MATR3: variants seen among roughly 807,000 people sequenced by gnomAD.
The protein encoded by MATR3 is matrin 3, also known as matrin-3.
Under a neutral mutation model 85.5 loss-of-function variants are expected in MATR3, and 4 were observed. The ratio of observed to expected loss-of-function variants is 0.05; its 90% CI spans 0.02 to 0.11. MATR3 has a LOEUF of 0.11. Among genes scored for constraint, MATR3 ranks in the 10% least tolerant of loss-of-function variants. MATR3 has a pLI of 1.00. For missense variants in MATR3, 685 were observed against 1,016.1 expected (o/e 0.67, Z 4.43); for synonymous variants, 336 against 343.1 (o/e 0.98, Z 0.23).
At chr5:139,286,843 C>CAAAA (rs72412077) in intron 3 of MATR3, among the ~76,000 whole-genome samples, 1 of 135,292 alleles carries the variant, frequency 7.4e-6, no homozygotes, top group African/African-American at 3.0e-5. Flanking sequence ...GACTCCGTCT[C>CAAAA]AAAAAAAAAA....
At chr5:139,312,152 T>C (rs1448230528) in intron 2 of MATR3, 2 of 152,128 alleles carry the variant, frequency 1.3e-5, no homozygotes, top group East Asian at 3.8e-4. Context: ...TTTATGTTTT[T>C]GAGAAAGGGT....
Position 139,331,147 on chromosome 5 carries a change from T to C in MATR3, c.*1752T>C, listed in dbSNP as rs1342560124. ...ACAAAAACAGGATAGGCATTGTCTTTCAAATGTTCAGACCCCAGTTTATTA... is the reference window on the plus strand; with the variant it reads ...ACAAAAACAGGATAGGCATTGTCTTCCAAATGTTCAGACCCCAGTTTATTA... On this transcript the variant is annotated 3_prime_UTR_variant, in exon 15 of 15. Transcript: ENST00000394805. The C allele has an allele frequency of 2.2e-6, 1 of 454,018 alleles. No individual in the cohort carries two copies. Among genetic ancestry groups the C allele is most frequent in the African/African-American group, 2.0e-5 (1 of 50,016 alleles). 28.1% of individuals were successfully genotyped at this position (454,018 alleles called of 1,614,324 possible). A position where few individuals can be genotyped will look rare whatever the true frequency, so the allele number is the denominator to read the frequency against.
rs1385894690 is a variant in MATR3 at position 139,316,063 on chromosome 5, T to A, written c.1017-13T>A. On this transcript the variant is annotated splice_polypyrimidine_tract_variant and intron_variant, in intron 4 of 14. Coordinates refer to ENST00000394805, the MANE Select transcript of MATR3 (RefSeq NM_018834.6). ...TTTATTATGATTTATATTTTATGTC[T>A]TCACTTTACTAGGGGTGATCCATTC... The A allele has an allele frequency of 6.5e-7, 1 of 1,539,512 alleles. No homozygotes were observed. The highest frequency in any genetic ancestry group is 9.0e-7 in the Non-Finnish European group (1 of 1,115,770).
chr5:139,281,356 G>GTTTTTTTTT (rs1371325133), intron 3 of MATR3, among the ~76,000 whole-genome samples: 7 of 101,064 alleles, frequency 6.9e-5, no homozygotes, highest in Admixed American at 1.1e-4. Context: ...TTTTTTTTTT[G>GTTTTTTTTT]TTTTTTTTTT....
intron 11 of MATR3, 28 bp from the exon 12 acceptor site, chr5:139,322,570 T>C: frequency 6.3e-7 from 1 of 1,584,042 alleles, no homozygotes; most frequent in East Asian, 2.2e-5. Context: ...GACAACAAAT[T>C]AATTGTGGTG....
rs1196556032 is a variant in MATR3 at position 139,330,779 on chromosome 5, T to G, written c.*1384T>G. ...AATTACGTAGAGACTCTTGGTATAT[T>G]GGATTATCTGTTGTAAACAATTTTT... On this transcript the variant is annotated 3_prime_UTR_variant, in exon 15 of 15. Transcript: ENST00000394805. The G allele has an allele frequency of 2.2e-6, 1 of 454,068 alleles. No individual in the cohort carries two copies. The highest frequency in any genetic ancestry group is 1.6e-5 in the South Asian group (1 of 64,482). The allele number at this position is 454,068 out of a possible 1,614,324, so 28.1% of individuals were successfully genotyped here. A position where few individuals can be genotyped will look rare whatever the true frequency, so the allele number is the denominator to read the frequency against.
chr5:139,314,801 TG>T lies in MATR3; in HGVS notation c.974+68del, dbSNP rs1443239930. ...ATCAGAATCAGCCATTATTGGTTTTTGGGAGTTCATCATTTACTTGTAATAT... is the reference window on the plus strand; with the variant it reads ...ATCAGAATCAGCCATTATTGGTTTTTGGAGTTCATCATTTACTTGTAATAT... On this transcript the variant is annotated intron_variant, in intron 3 of 14. Transcript: ENST00000394805. The T allele has an allele frequency of 2.8e-6, 4 of 1,439,410 alleles. No individual in the cohort carries two copies. In the East Asian group the frequency reaches 6.9e-5, roughly 25 times the overall value. The allele number at this position is 1,439,410 out of a possible 1,614,324, so 89.2% of individuals were successfully genotyped here. A position where few individuals can be genotyped will look rare whatever the true frequency, so the allele number is the denominator to read the frequency against.
intron 2 of MATR3, chr5:139,314,432 CT>C: frequency 2.2e-6 from 1 of 457,488 alleles, no homozygotes. Flanking sequence ...TGTCAAATAT[CT>C]TAAGTATGTT....
At chr5:139,293,530 T>C (rs1358556163), upstream of MATR3, 3 of 156,662 alleles carry the variant, frequency 1.9e-5, no homozygotes, top group Non-Finnish European at 4.2e-5. Flanking sequence ...CCGCCTCAGC[T>C]GGATGACGGA....
intron 1 of MATR3, chr5:139,276,051 T>A (rs1443166836): frequency 4.4e-6 from 2 of 456,652 alleles, no homozygotes; most frequent in Non-Finnish European, 8.8e-6. Flanking sequence ...TACCGTGTTT[T>A]GAGGGGAGGG....
intron 3 of MATR3, among the ~76,000 whole-genome samples, chr5:139,281,343 AGTTTTTTTTTTT>A (rs933031207): frequency 1.7e-4 from 21 of 127,240 alleles, no homozygotes; most frequent in Admixed American, 7.4e-4. Flanking sequence ...GCCTCGAAGT[AGTTTTTTTTTTT>A]GTTTTTTTTT....
intron 9 of MATR3, among the ~76,000 whole-genome samples, chr5:139,320,684 G>A (rs933394502): frequency 1.3e-5 from 2 of 149,226 alleles, no homozygotes; most frequent in Non-Finnish European, 3.0e-5. Flanking sequence ...AGCATTGCAA[G>A]TTTGTGTTCT....
upstream of MATR3, among the ~76,000 whole-genome samples, chr5:139,289,285 G>A (rs1753800712): frequency 6.6e-6 from 1 of 152,176 alleles, no homozygotes; most frequent in African/African-American, 2.4e-5. Flanking sequence ...TGGGCGTGGT[G>A]GCACACCCCT....
chr5:139,329,331 C>A lies in MATR3; in HGVS notation c.2494-14C>A, dbSNP rs779597861. 1.2e-5 allele frequency: 19 copies of A among 1,568,630 alleles called. No homozygotes were observed. In the East Asian group the frequency reaches 4.0e-4, roughly 33 times the overall value. On this transcript the variant is annotated splice_polypyrimidine_tract_variant and intron_variant, in intron 14 of 14. Transcript: ENST00000394805. ...CTTAGGTGACTTAATGGCTGTAATT[C>A]TCTTTCTTTATAGAAATTTCTGAAT...
chr5:139,300,977 C>CT (rs1197948429), intron 1 of MATR3, among the ~76,000 whole-genome samples: 1 of 152,064 alleles, frequency 6.6e-6, no homozygotes, highest in Non-Finnish European at 1.5e-5. Flanking sequence ...CCACACCTGG[C>CT]TCTTTTTTGT....
At chr5:139,274,699 G>A (rs1753203856) in intron 1 of MATR3, among the ~76,000 whole-genome samples, 1 of 152,038 alleles carries the variant, frequency 6.6e-6, no homozygotes, top group Non-Finnish European at 1.5e-5. Flanking sequence ...CACTTTGGGA[G>A]GCCGAGGCGG....
rs77369659 is a variant in MATR3 at position 139,315,640 on chromosome 5, G to T, written c.975-57G>T. 17 of 1,139,394 alleles carry T rather than the reference G, an allele frequency of 1.5e-5. No individual in the cohort carries two copies. In the East Asian group the frequency reaches 3.5e-4, roughly 24 times the overall value. The allele number at this position is 1,139,394 out of a possible 1,614,324, so 70.6% of individuals were successfully genotyped here. On this transcript the variant is annotated intron_variant, in intron 3 of 14. Transcript: ENST00000394805. ...ATCTCTATTTTAGAGGCCAAACAAGGCTGTTTTGTGAAAAGGACAGTTTTA... is the reference window on the plus strand; with the variant it reads ...ATCTCTATTTTAGAGGCCAAACAAGTCTGTTTTGTGAAAAGGACAGTTTTA...
At chr5:139,323,898 A>T (rs1355368503) in intron 12 of MATR3, among the ~76,000 whole-genome samples, 1 of 152,168 alleles carries the variant, frequency 6.6e-6, no homozygotes, top group South Asian at 2.1e-4. Flanking sequence ...TCAAGAAAAA[A>T]AAAAAGTAGA....
chr5:139,288,682 C>T (rs1182024874), intron 3 of MATR3, among the ~76,000 whole-genome samples: 1 of 152,134 alleles, frequency 6.6e-6, no homozygotes, highest in Non-Finnish European at 1.5e-5. Flanking sequence ...ACTCTGTCGC[C>T]CAGGCTGGAG....
Sources: gnomAD v4.1 joint callset for allele counts (sites outside exome capture counted in the v4.1 genomes callset) on GRCh38, gnomAD v4.1.1 for gene constraint, MANE v1.5 for transcripts, NCBI Gene and HGNC (gene_info 2026-07-23, HGNC 2026-07-21) for gene names.